Variants in RUNX1 observed in about 807,000 individuals in gnomAD.
RUNX1 encodes RUNX family transcription factor 1.
In RUNX1, 19 loss-of-function variants were observed where a neutral mutation model predicts 42.8. That is an observed-to-expected ratio of 0.44 (90% confidence interval 0.31 to 0.65). The LOEUF is 0.65. Ranked by LOEUF, RUNX1 falls within the 30% of genes least tolerant of loss-of-function variation. The pLI is 0.07. For synonymous variants in RUNX1, 271 were observed against 289.4 expected (o/e 0.94, Z 0.64); for missense variants, 528 against 672.0 (o/e 0.79, Z 2.37).
chr21:34,991,247 G>C (rs1284233115), intron 2 of RUNX1, among the ~76,000 whole-genome samples: 1 of 152,152 alleles, frequency 6.6e-6, no homozygotes, highest in African/African-American at 2.4e-5. Context: ...CCCTGGACAT[G>C]CCTTTACCTC....
At chr21:34,923,170 C>T (rs554800474) in intron 2 of RUNX1, among the ~76,000 whole-genome samples, 2 of 152,246 alleles carry the variant, frequency 1.3e-5, no homozygotes, top group South Asian at 2.1e-4. Flanking sequence ...TATCCTTGGC[C>T]GTTAGGACGG....
At chr21:34,858,520 T>C (rs1178648566) in intron 6 of RUNX1, among the ~76,000 whole-genome samples, 1 of 152,226 alleles carries the variant, frequency 6.6e-6, no homozygotes, top group Non-Finnish European at 1.5e-5. Flanking sequence ...GCTTAAGAAT[T>C]CCACTGGCTT....
chr21:34,880,259 C>T (rs997407905), intron 5 of RUNX1, among the ~76,000 whole-genome samples: 1 of 152,196 alleles, frequency 6.6e-6, no homozygotes, highest in Non-Finnish European at 1.5e-5. Context: ...TCATTAAAGT[C>T]AGTTTTATAT....
chr21:34,917,500 G>A (rs1219206146), intron 2 of RUNX1, among the ~76,000 whole-genome samples: 1 of 152,238 alleles, frequency 6.6e-6, no homozygotes, highest in East Asian at 1.9e-4. Flanking sequence ...TTATTAGACA[G>A]TAAGAGAAAT....
chr21:35,013,753 A>T (rs1019054366), intron 2 of RUNX1, among the ~76,000 whole-genome samples: 1 of 152,224 alleles, frequency 6.6e-6, no homozygotes, highest in Admixed American at 6.5e-5. Context: ...GGCAGTAATC[A>T]GAAATGCACC....
At chr21:34,889,808 C>T in intron 3 of RUNX1, 1 of 1,124,168 alleles carries the variant, frequency 8.9e-7, no homozygotes, top group South Asian at 2.6e-5. Context: ...CCCGGCGGGG[C>T]TCCCTCCCAG....
At chr21:34,917,880 C>T (rs1189108081) in intron 2 of RUNX1, among the ~76,000 whole-genome samples, 1 of 151,992 alleles carries the variant, frequency 6.6e-6, no homozygotes, top group Admixed American at 6.6e-5. Flanking sequence ...CCTATAATCC[C>T]AGCACTTTGG....
At chr21:34,879,882 A>C (rs903667301) in intron 5 of RUNX1, among the ~76,000 whole-genome samples, 2 of 152,232 alleles carry the variant, frequency 1.3e-5, no homozygotes, top group Non-Finnish European at 2.9e-5. Context: ...AAAATCACAC[A>C]TGGAGCTGAA....
intron 2 of RUNX1, among the ~76,000 whole-genome samples, chr21:34,970,350 T>C (rs531288130): frequency 4.6e-5 from 7 of 152,230 alleles, no homozygotes; most frequent in Non-Finnish European, 8.8e-5. Flanking sequence ...CGAAATCAGG[T>C]TGGCAATAGC....
intron 2 of RUNX1, among the ~76,000 whole-genome samples, chr21:35,035,981 GA>G (rs1320818783): frequency 3.9e-5 from 6 of 152,214 alleles, no homozygotes; most frequent in Non-Finnish European, 5.9e-5. Flanking sequence ...GGCCTCCCCA[GA>G]GGCTGCTGTG....
At chr21:34,821,174 C>T (rs1167738557) in intron 7 of RUNX1, 6 of 999,568 alleles carry the variant, frequency 6.0e-6, no homozygotes, top group East Asian at 6.8e-5. Context: ...AAGGAGACAC[C>T]GGGGGAATTA....
Position 34,787,954 on chromosome 21 carries a change from T to C in RUNX1, c.*4181A>G, listed in dbSNP as rs1469244361. On this transcript the variant is annotated 3_prime_UTR_variant, in exon 9 of 9. Coordinates refer to ENST00000675419, the MANE Select transcript of RUNX1 (RefSeq NM_001754.5). The stretch of plus-strand genomic sequence containing the variant: ...CCCTGCTCAGGCTGGGCACGACGAA[T>C]GCTCCCAGGAGAGGGGAGGCGGCCC... The C allele has an allele frequency of 1.3e-5, 3 of 233,272 alleles. No homozygotes were observed. The highest frequency in any genetic ancestry group is 2.5e-5 in the Non-Finnish European group (3 of 118,152). 14.5% of individuals were successfully genotyped at this position (233,272 alleles called of 1,614,324 possible). A position where few individuals can be genotyped will look rare whatever the true frequency, so the allele number is the denominator to read the frequency against.
chr21:34,974,013 G>A (rs2058781615), intron 2 of RUNX1, among the ~76,000 whole-genome samples: 1 of 152,070 alleles, frequency 6.6e-6, no homozygotes, highest in Non-Finnish European at 1.5e-5. Context: ...CCAAAGAATT[G>A]TTTCAGATCT....
intron 2 of RUNX1, among the ~76,000 whole-genome samples, chr21:34,992,820 C>T (rs2058955617): frequency 6.6e-6 from 1 of 152,252 alleles, no homozygotes; most frequent in African/African-American, 2.4e-5. Flanking sequence ...AGTCCTCGAG[C>T]TGGCCTGGCA....
chr21:34,988,293 A>G (rs1341897436), intron 2 of RUNX1, among the ~76,000 whole-genome samples: 1 of 152,126 alleles, frequency 6.6e-6, no homozygotes, highest in African/African-American at 2.4e-5. Flanking sequence ...CGGGGGAAAC[A>G]TGGTTGCTAA....
At chr21:34,863,791 T>G (rs2057614990) in intron 5 of RUNX1, among the ~76,000 whole-genome samples, 1 of 152,072 alleles carries the variant, frequency 6.6e-6, no homozygotes, top group African/African-American at 2.4e-5. Flanking sequence ...CCTGACATTG[T>G]GATCCGCCCA....
chr21:34,991,025 A>T (rs737234), intron 2 of RUNX1, among the ~76,000 whole-genome samples: 35,323 of 152,190 alleles, frequency 0.23, 5,738 homozygotes, highest in African/African-American at 0.45. Context: ...AGAGCCGTAC[A>T]GTTCAAGGGA....
intron 2 of RUNX1, among the ~76,000 whole-genome samples, chr21:34,894,878 G>GAA (rs2058116182): frequency 1.0e-5 from 1 of 99,164 alleles, no homozygotes; most frequent in African/African-American, 3.7e-5. Flanking sequence ...GACCTACATA[G>GAA]AAACACACAC....
chr21:34,858,088 G>T (rs1414602221), intron 6 of RUNX1, among the ~76,000 whole-genome samples: 1 of 152,236 alleles, frequency 6.6e-6, no homozygotes, highest in Non-Finnish European at 1.5e-5. Context: ...ATATCCTGGT[G>T]GCCTGCCCCT....
Sources: gnomAD v4.1 joint callset for allele counts (sites outside exome capture counted in the v4.1 genomes callset) on GRCh38, gnomAD v4.1.1 for gene constraint, MANE v1.5 for transcripts, NCBI Gene and HGNC (gene_info 2026-07-23, HGNC 2026-07-21) for gene names.